The following KANSL1 variants were observed in gnomAD, a reference collection of about 807,000 sequenced individuals.
KANSL1 encodes MLL1/MLL complex subunit KANSL1.
KANSL1 carries 22 observed loss-of-function variants against 103.6 expected under a neutral mutation model. That is an observed-to-expected ratio of 0.21 (90% CI 0.15 to 0.30). KANSL1 has a LOEUF of 0.30. Among genes scored for constraint, KANSL1 ranks in the 10% least tolerant of loss-of-function variants. KANSL1 has a pLI of 1.00. For synonymous variants in KANSL1, 600 were observed against 527.6 expected (o/e 1.14, Z -1.88); for missense variants, 1,337 against 1,399.8 (o/e 0.96, Z 0.72).
intron 6 of KANSL1, among the ~76,000 whole-genome samples, chr17:46,054,962 T>C (rs1209335711): frequency 1.3e-5 from 2 of 151,582 alleles, no homozygotes; most frequent in Non-Finnish European, 1.5e-5. Context: ...GCCATTCTCC[T>C]ATCTCAGCCT....
chr17:46,116,040 A>T (rs1340655247), intron 2 of KANSL1, among the ~76,000 whole-genome samples: 1 of 152,240 alleles, frequency 6.6e-6, no homozygotes, highest in Non-Finnish European at 1.5e-5. Context: ...AGAATCATAG[A>T]CGAGAAGAAT....
At chr17:46,147,595 A>AAG (rs1424546947) in intron 2 of KANSL1, among the ~76,000 whole-genome samples, 2 of 149,442 alleles carry the variant, frequency 1.3e-5, no homozygotes, top group African/African-American at 2.4e-5. Flanking sequence ...AAAAAAAAAA[A>AAG]AGAGAGCGAG....
chr17:46,086,183 G>A (rs111402415), intron 3 of KANSL1, among the ~76,000 whole-genome samples: 11 of 112,664 alleles, frequency 9.8e-5, no homozygotes, highest in Admixed American at 9.6e-5. Context: ...AAGTAAGGAC[G>A]CAGTCAGTAT....
rs1555743509 is a variant in KANSL1, at chr17:46,062,120, A to AAC, written c.1848+4416_1848+4417insGT. Among the ~76,000 whole-genome samples, 849 of 88,094 alleles carry AAC rather than the reference A, an allele frequency of 9.6e-3. 5 individuals carry two copies. The highest frequency in any genetic ancestry group is 0.014 in the Middle Eastern group (2 of 142). The allele number at this position is 88,094 out of a possible 152,430, so 57.8% of individuals were successfully genotyped here. ...AAAAAAAAAAAAAAACAAACAAACA[A>AAC]AAAAAAAAAAAAAACATGTTACAGC... is the stretch of plus-strand genomic sequence containing the variant. On this transcript the variant is annotated intron_variant, in intron 6 of 14. Transcript: ENST00000432791.
At chr17:46,096,306 TTTTTC>T (rs1276664850) in intron 2 of KANSL1, among the ~76,000 whole-genome samples, 1 of 122,970 alleles carries the variant, frequency 8.1e-6, no homozygotes, top group Admixed American at 9.6e-5. Context: ...ACCTGGCTTT[TTTTTC>T]TTTTTTTTTT....
At chr17:46,168,903 T>G (rs2046141122) in intron 2 of KANSL1, among the ~76,000 whole-genome samples, 1 of 152,184 alleles carries the variant, frequency 6.6e-6, no homozygotes, top group Admixed American at 6.5e-5. Flanking sequence ...GGCCTTAAGG[T>G]TTTTCCAAGT....
At chr17:46,194,702 T>C (rs1567793904), upstream of KANSL1, among the ~76,000 whole-genome samples, 1 of 152,252 alleles carries the variant, frequency 6.6e-6, no homozygotes, top group Non-Finnish European at 1.5e-5. Flanking sequence ...AAGAAGGGTA[T>C]GTATGCTCTA....
At chr17:46,098,201 C>G (rs2042163063) in intron 2 of KANSL1, among the ~76,000 whole-genome samples, 1 of 149,926 alleles carries the variant, frequency 6.7e-6, no homozygotes, top group Admixed American at 6.6e-5. Flanking sequence ...ACTAGTTAAC[C>G]CTCGTATTTT....
chr17:46,177,086 C>G (rs2046556772), intron 1 of KANSL1, among the ~76,000 whole-genome samples: 1 of 152,222 alleles, frequency 6.6e-6, no homozygotes, highest in Admixed American at 6.5e-5. Flanking sequence ...CTCAAGTGAG[C>G]AAATCTCAGT....
intron 11 of KANSL1, 31 bp from the exon 12 acceptor site, chr17:46,033,491 T>C (rs765619670): frequency 6.2e-7 from 1 of 1,605,296 alleles, no homozygotes; most frequent in South Asian, 1.1e-5. Flanking sequence ...AATCATGAGA[T>C]GGCAAGCAGG....
chr17:46,039,441 A>C (rs2077248593), intron 8 of KANSL1: 1 of 602,856 alleles, frequency 1.7e-6, no homozygotes, highest in Non-Finnish European at 2.8e-6. Flanking sequence ...ACCTGCCCGT[A>C]GATGAACTCA....
intron 2 of KANSL1, among the ~76,000 whole-genome samples, chr17:46,096,136 A>ATTC (rs776509440): frequency 7.3e-6 from 1 of 137,466 alleles, no homozygotes; most frequent in Non-Finnish European, 1.6e-5. Context: ...ATGATACTGT[A>ATTC]TTTTTTTTTT....
At chr17:46,101,754 C>CAAAAATAA (rs2042328679) in intron 2 of KANSL1, among the ~76,000 whole-genome samples, 1 of 93,682 alleles carries the variant, frequency 1.1e-5, no homozygotes, top group Non-Finnish European at 1.8e-5. Flanking sequence ...ACTCTGTCTA[C>CAAAAATAA]AAAAAAAAAA....
chr17:46,080,641 A>G (rs2078955432), intron 4 of KANSL1, among the ~76,000 whole-genome samples: 1 of 152,202 alleles, frequency 6.6e-6, no homozygotes, highest in Non-Finnish European at 1.5e-5. Flanking sequence ...AGCTTTTAAG[A>G]AACATATGCT....
intron 1 of KANSL1, among the ~76,000 whole-genome samples, chr17:46,178,706 A>G (rs1176501212): frequency 6.6e-6 from 1 of 152,266 alleles, no homozygotes; most frequent in African/African-American, 2.4e-5. Flanking sequence ...AAGCAAATAC[A>G]TTTCGGAAAA....
chr17:46,181,888 T>C (rs1192634449), intron 1 of KANSL1, among the ~76,000 whole-genome samples: 1 of 152,184 alleles, frequency 6.6e-6, no homozygotes, highest in African/African-American at 2.4e-5. Context: ...CTTCTACTTT[T>C]TTTTTTTGTC....
intron 2 of KANSL1, among the ~76,000 whole-genome samples, chr17:46,147,659 A>G (rs1245349951): frequency 6.6e-6 from 1 of 152,168 alleles, no homozygotes; most frequent in East Asian, 1.9e-4. Context: ...ATACTACATA[A>G]TCACATTATC....
intron 6 of KANSL1, among the ~76,000 whole-genome samples, chr17:46,064,968 GTTTGTT>G (rs2078324004): frequency 6.6e-6 from 1 of 150,740 alleles, no homozygotes; most frequent in Non-Finnish European, 1.5e-5. Flanking sequence ...TGTTTTTTTT[GTTTGTT>G]TTTTTGTTTT....
At chr17:46,059,440 GAAACCCCGTCTCTACTAAAAATACAA>G (rs1038838945) in intron 6 of KANSL1, among the ~76,000 whole-genome samples, 16 of 151,972 alleles carry the variant, frequency 1.1e-4, no homozygotes, top group Admixed American at 2.6e-4. Flanking sequence ...CCAACATGGT[GAAACCCCGTCTCTACTAAAAATACAA>G]AAATTAGCTG....
Sources: gnomAD v4.1 joint callset for allele counts (sites outside exome capture counted in the v4.1 genomes callset) on GRCh38, gnomAD v4.1.1 for gene constraint, MANE v1.5 for transcripts, NCBI Gene and HGNC (gene_info 2026-07-23, HGNC 2026-07-21) for gene names.